The following COTL1 variants were observed in gnomAD, a reference collection of about 807,000 sequenced individuals.
The protein encoded by COTL1 is coactosin-like protein.
A neutral mutation model predicts 16.5 loss-of-function variants in COTL1; 15 were observed. That is an observed-to-expected ratio of 0.91 (90% confidence interval 0.61 to 1.40). COTL1 has a LOEUF of 1.40. Among genes scored for constraint, COTL1 ranks in the 40% most tolerant of loss-of-function variants. COTL1 has a pLI of 0.00. For missense variants in COTL1, 220 were observed against 201.5 expected (o/e 1.09, Z -0.56); for synonymous variants, 112 against 85.3 (o/e 1.31, Z -1.73).
intron 2 of COTL1, among the ~76,000 whole-genome samples, chr16:84,611,959 A>C (rs1415701821): frequency 6.6e-6 from 1 of 151,982 alleles, no homozygotes; most frequent in Non-Finnish European, 1.5e-5. Context: ...CTGAGCCCTG[A>C]TTGCTCCAGG....
At chr16:84,586,731 C>T (rs1318029245) in intron 3 of COTL1, among the ~76,000 whole-genome samples, 5 of 152,046 alleles carry the variant, frequency 3.3e-5, no homozygotes, top group Admixed American at 6.5e-5. Context: ...CTACAGGCCA[C>T]GTGCCACCAT....
chr16:84,603,677 C>A (rs578140645), intron 2 of COTL1, among the ~76,000 whole-genome samples: 1 of 152,006 alleles, frequency 6.6e-6, no homozygotes, highest in Non-Finnish European at 1.5e-5. Context: ...GTGGGGGAGC[C>A]GGGAGTTCAG....
rs1904296177 is a variant in COTL1, at chr16:84,565,896, C to T, written c.*949G>A. 1 of 152,296 alleles carries T rather than the reference C, an allele frequency of 6.6e-6. No individual in the cohort carries two copies. The highest frequency in any genetic ancestry group is 1.9e-4 in the East Asian group (1 of 5,198). The allele number at this position is 152,296 out of a possible 1,614,324, so 9.4% of individuals were successfully genotyped here. On this transcript the variant is annotated 3_prime_UTR_variant, in exon 4 of 4. Coordinates refer to ENST00000262428, the MANE Select transcript of COTL1 (RefSeq NM_021149.5). ...CAGCTAGCGCGGCGGGCAGAGCAAC[C>T]CTTCGGCCCAAGCCATCCTCGCAGC...
At position 84,571,517 on chromosome 16, in the gene COTL1, C is replaced by T. The variant is rs369285775; in HGVS notation, c.319-4562G>A. Among the ~76,000 whole-genome samples the T allele has an allele frequency of 4.6e-5, 7 of 152,204 alleles. No homozygotes were observed. The East Asian group carries it at 9.6e-4, about 21-fold the overall frequency. On this transcript the variant is annotated intron_variant, in intron 3 of 3. Coordinates refer to ENST00000262428, the MANE Select transcript of COTL1 (RefSeq NM_021149.5). Reference sequence around the variant, plus strand: ...CACCTGGGTCCGCTCATCTCTCCCCCCTGCCCATCAGCTTCCCTCCCCTCT... The same window carrying T: ...CACCTGGGTCCGCTCATCTCTCCCCTCTGCCCATCAGCTTCCCTCCCCTCT...
intron 3 of COTL1, among the ~76,000 whole-genome samples, chr16:84,573,265 C>T (rs1399386860): frequency 6.6e-6 from 1 of 152,256 alleles, no homozygotes; most frequent in Non-Finnish European, 1.5e-5. Context: ...GTATACGGCA[C>T]ACACTGATAT....
intron 2 of COTL1, among the ~76,000 whole-genome samples, chr16:84,614,083 C>T (rs1010743080): frequency 2.0e-5 from 3 of 152,198 alleles, no homozygotes; most frequent in African/African-American, 4.8e-5. Flanking sequence ...GTTTGGAGTT[C>T]GGGCAGTCTT....
At chr16:84,573,764 T>TACAC (rs1567530933) in intron 3 of COTL1, among the ~76,000 whole-genome samples, 1 of 80,040 alleles carries the variant, frequency 1.2e-5, no homozygotes, top group African/African-American at 4.2e-5. Flanking sequence ...TATATATATA[T>TACAC]ACATACACAC....
At chr16:84,576,172 G>C (rs149903146) in intron 3 of COTL1, 2 of 152,352 alleles carry the variant, frequency 1.3e-5, no homozygotes, top group East Asian at 3.9e-4. Flanking sequence ...AAACCCCAAA[G>C]CCAGGCCCAG....
intron 3 of COTL1, among the ~76,000 whole-genome samples, chr16:84,586,769 T>TA (rs1482334092): frequency 2.0e-5 from 3 of 152,186 alleles, no homozygotes; most frequent in Admixed American, 2.0e-4. Context: ...GTATTTTTAG[T>TA]AGAGACGGGG....
chr16:84,612,681 G>A (rs2150697743), intron 2 of COTL1, among the ~76,000 whole-genome samples: 2 of 152,212 alleles, frequency 1.3e-5, no homozygotes, highest in Middle Eastern at 3.4e-3. Flanking sequence ...TACTTGGGAG[G>A]CTGAGGCAGG....
rs955869784 is a variant in COTL1 at position 84,607,270 on chromosome 16, C to T, written c.160+10231G>A. ...GGTGTGTAGGAGTCCTCCAGGAAGG[C>T]GAAACAGATGAAGACAGTGCAGGCA... On this transcript the variant is annotated intron_variant, in intron 2 of 3. Transcript: ENST00000262428. Among the ~76,000 whole-genome samples, 6 of 152,054 alleles carry T rather than the reference C, an allele frequency of 3.9e-5. No homozygotes were observed. The South Asian group carries it at 6.2e-4, about 16-fold the overall frequency.
intron 3 of COTL1, among the ~76,000 whole-genome samples, chr16:84,581,706 T>C (rs752826168): frequency 4.6e-5 from 7 of 152,164 alleles, no homozygotes; most frequent in Non-Finnish European, 1.0e-4. Flanking sequence ...GAGTTCCCCA[T>C]GTTGGCCTGG....
intron 3 of COTL1, among the ~76,000 whole-genome samples, chr16:84,582,351 C>G (rs900109726): frequency 6.6e-6 from 1 of 152,104 alleles, no homozygotes; most frequent in Admixed American, 6.6e-5. Context: ...ACAATGTTGC[C>G]CAGGCTGGTT....
chr16:84,598,134 G>A (rs751158698), intron 2 of COTL1, among the ~76,000 whole-genome samples: 3 of 152,156 alleles, frequency 2.0e-5, no homozygotes, highest in African/African-American at 7.2e-5. Context: ...CCAATTGCAC[G>A]CTGGATGTCC....
chr16:84,593,164 G>T (rs1349969589), intron 2 of COTL1, among the ~76,000 whole-genome samples: 2 of 152,248 alleles, frequency 1.3e-5, no homozygotes, highest in African/African-American at 2.4e-5. Flanking sequence ...AGAGCCAAGG[G>T]CCTGGACACC....
chr16:84,587,884 G>C (rs930045812), intron 3 of COTL1, among the ~76,000 whole-genome samples: 1 of 151,966 alleles, frequency 6.6e-6, no homozygotes, highest in African/African-American at 2.4e-5. Context: ...AGATTCTCCT[G>C]TCTCAGCCTC....
chr16:84,568,272 A>G (rs1262540291), intron 3 of COTL1: 1 of 152,252 alleles, frequency 6.6e-6, no homozygotes, highest in Non-Finnish European at 1.5e-5. Context: ...TGTTGGCACT[A>G]CAGGCGTGAG....
intron 3 of COTL1, among the ~76,000 whole-genome samples, chr16:84,573,932 A>C (rs979579411): frequency 3.3e-5 from 5 of 152,048 alleles, no homozygotes; most frequent in Non-Finnish European, 5.9e-5. Flanking sequence ...GAGAAGGGAG[A>C]ATCGCTTGAA....
At chr16:84,617,427 C>T in intron 2 of COTL1, 74 bp downstream of exon 2, 1 of 1,432,410 alleles carries the variant, frequency 7.0e-7, no homozygotes, top group Non-Finnish European at 9.6e-7. Flanking sequence ...CCCGGGTTCG[C>T]TCTGGCCGGG....
Sources: allele counts gnomAD v4.1 joint callset (sites outside exome capture counted in the v4.1 genomes callset), GRCh38; gene constraint gnomAD v4.1.1; transcripts MANE v1.5; gene names NCBI Gene and HGNC (gene_info 2026-07-23, HGNC 2026-07-21).